CDH2: variants seen among roughly 807,000 people sequenced by gnomAD.
The protein encoded by CDH2 is cadherin-2.
Under a neutral mutation model 92.0 loss-of-function variants are expected in CDH2, and 17 were observed. The ratio of observed to expected loss-of-function variants is 0.18; its 90% CI spans 0.13 to 0.28. The LOEUF is 0.28. Among genes scored for constraint, CDH2 ranks in the 10% least tolerant of loss-of-function variants. The pLI is 1.00. For synonymous variants in CDH2, 419 were observed against 415.9 expected (o/e 1.01, Z -0.09); for missense variants, 862 against 1,133.1 (o/e 0.76, Z 3.44).
chr18:28,036,350 A>G (rs2013827048), intron 2 of CDH2: 4 of 674,738 alleles, frequency 5.9e-6, no homozygotes, highest in Non-Finnish European at 1.1e-5. Flanking sequence ...CATAAGCATT[A>G]AATTCCTTGT....
chr18:28,035,391 T>G lies in CDH2; in HGVS notation c.173-21482A>C, dbSNP rs17522777. ...GTTTAGAATTTAAAACAAGCAACTT[T>G]GCTGAATATCTTATTGTTTCTCTTG... On this transcript the variant is annotated intron_variant, in intron 2 of 15. Coordinates refer to ENST00000269141, the MANE Select transcript of CDH2 (RefSeq NM_001792.5). Among the ~76,000 whole-genome samples, 449 of 152,138 alleles carry G rather than the reference T, an allele frequency of 3.0e-3. 2 individuals carry two copies. Among genetic ancestry groups the G allele is most frequent in the African/African-American group, 0.01 (433 of 41,560 alleles).
intron 2 of CDH2, among the ~76,000 whole-genome samples, chr18:28,138,263 T>C (rs910536428): frequency 3.4e-4 from 52 of 152,158 alleles, no homozygotes; most frequent in African/African-American, 1.2e-3. Context: ...AACATTTATG[T>C]TCAAAAATCA....
At chr18:28,097,148 T>C (rs1325508664) in intron 2 of CDH2, 1 of 152,192 alleles carries the variant, frequency 6.6e-6, no homozygotes, top group African/African-American at 2.4e-5. Context: ...CCCGCTCTGA[T>C]GTGCAGGATA....
intron 2 of CDH2, among the ~76,000 whole-genome samples, chr18:28,073,265 G>C (rs2014655442): frequency 6.6e-6 from 1 of 152,052 alleles, no homozygotes. Context: ...TTTCAATGTA[G>C]AGAAGTTCAT....
chr18:28,112,264 CG>C (rs1255241702), intron 2 of CDH2, among the ~76,000 whole-genome samples: 1 of 152,206 alleles, frequency 6.6e-6, no homozygotes, highest in Non-Finnish European at 1.5e-5. Flanking sequence ...TTTAGCTCCA[CG>C]GTCACAGGCA....
At chr18:28,064,716 G>T (rs1254576010) in intron 2 of CDH2, among the ~76,000 whole-genome samples, 1 of 150,186 alleles carries the variant, frequency 6.7e-6, no homozygotes, top group Non-Finnish European at 1.5e-5. Flanking sequence ...GAACTATAAA[G>T]TGAACAGTCA....
chr18:27,939,461 G>A (rs927550434), intron 6 of CDH2, among the ~76,000 whole-genome samples: 4 of 152,154 alleles, frequency 2.6e-5, no homozygotes, highest in Non-Finnish European at 5.9e-5. Flanking sequence ...AATGGAGGGG[G>A]TGGTTTTTAT....
chr18:28,002,026 C>T (rs1190952820), intron 7 of CDH2, among the ~76,000 whole-genome samples: 1 of 152,174 alleles, frequency 6.6e-6, no homozygotes, highest in Non-Finnish European at 1.5e-5. Context: ...TATGAGTTGG[C>T]GCTTTGATAT....
At chr18:27,960,827 C>T (rs538446340) in intron 15 of CDH2, among the ~76,000 whole-genome samples, 44 of 152,100 alleles carry the variant, frequency 2.9e-4, no homozygotes, top group African/African-American at 4.3e-4. Flanking sequence ...GTTTGGAAGA[C>T]GGTTTTTCAT....
At chr18:27,965,089 C>G (rs1446024080) in intron 14 of CDH2, among the ~76,000 whole-genome samples, 1 of 152,206 alleles carries the variant, frequency 6.6e-6, no homozygotes, top group African/African-American at 2.4e-5. Context: ...GTTTTATCAT[C>G]ATCTCTTTAG....
chr18:27,971,611 T>C (rs973536625), intron 14 of CDH2, among the ~76,000 whole-genome samples: 1 of 152,158 alleles, frequency 6.6e-6, no homozygotes, highest in Non-Finnish European at 1.5e-5. Flanking sequence ...CACTAATGTG[T>C]ACCCTGGCCA....
intron 7 of CDH2, among the ~76,000 whole-genome samples, chr18:27,995,015 G>A (rs1017983941): frequency 7.9e-5 from 12 of 152,044 alleles, no homozygotes; most frequent in Non-Finnish European, 1.6e-4. Context: ...TCACTATAAT[G>A]TTAACATAGG....
chr18:28,122,761 C>T lies in CDH2; in HGVS notation c.172+24912G>A, dbSNP rs527291994. Among the ~76,000 whole-genome samples, 23 of 152,248 alleles carry T rather than the reference C, an allele frequency of 1.5e-4. No homozygotes were observed. In the South Asian group the frequency reaches 3.9e-3, roughly 26 times the overall value. On this transcript the variant is annotated intron_variant, in intron 2 of 15. Transcript: ENST00000269141. Reference sequence around the variant, plus strand: ...CAACTCTTTTAGCAGACTAGAGGTGCTTCACTCTTAATGCCTACGAATATA... The same window carrying T: ...CAACTCTTTTAGCAGACTAGAGGTGTTTCACTCTTAATGCCTACGAATATA...
At chr18:28,049,626 T>A (rs1252230551) in intron 2 of CDH2, among the ~76,000 whole-genome samples, 2 of 152,146 alleles carry the variant, frequency 1.3e-5, no homozygotes, top group Non-Finnish European at 2.9e-5. Context: ...ACAAAGCAAA[T>A]GGATTAACTC....
intron 15 of CDH2, among the ~76,000 whole-genome samples, chr18:27,955,555 C>A: frequency 6.6e-6 from 1 of 151,752 alleles, no homozygotes; most frequent in South Asian, 2.1e-4. Context: ...TCTGGTCTTC[C>A]CTGGTGTGTT....
At chr18:28,027,680 T>C (rs147756499) in intron 2 of CDH2, among the ~76,000 whole-genome samples, 1 of 152,140 alleles carries the variant, frequency 6.6e-6, no homozygotes, top group African/African-American at 2.4e-5. Context: ...GTGTTCTCCC[T>C]TGTATACATT....
chr18:28,005,578 T>C (rs541753519), intron 6 of CDH2, among the ~76,000 whole-genome samples: 4 of 152,296 alleles, frequency 2.6e-5, no homozygotes, highest in African/African-American at 4.8e-5. Context: ...AAGGATCCTA[T>C]GTATTCCACA....
chr18:28,055,554 A>T (rs1461832772), intron 2 of CDH2, among the ~76,000 whole-genome samples: 1 of 152,182 alleles, frequency 6.6e-6, no homozygotes, highest in Non-Finnish European at 1.5e-5. Flanking sequence ...TTTCTAGGAT[A>T]CGTTTCTGTC....
chr18:27,998,055 C>G (rs1263372814), intron 7 of CDH2, among the ~76,000 whole-genome samples: 1 of 152,150 alleles, frequency 6.6e-6, no homozygotes, highest in African/African-American at 2.4e-5. Flanking sequence ...ATCCGCCCAC[C>G]TTGGCCTCCC....
Sources: gnomAD v4.1 joint callset for allele counts (sites outside exome capture counted in the v4.1 genomes callset) on GRCh38, gnomAD v4.1.1 for gene constraint, MANE v1.5 for transcripts, NCBI Gene and HGNC (gene_info 2026-07-23, HGNC 2026-07-21) for gene names.